SLC35D4: variants seen among roughly 807,000 people sequenced by gnomAD.
SLC35D4 encodes the protein UDP-N-acetylglucosamine transporter SLC35D4.
the SLC35D4 span, among the ~76,000 whole-genome samples, chr18:23,354,244 G>A: frequency 6.7e-6 from 1 of 148,316 alleles, no homozygotes; most frequent in South Asian, 2.1e-4. Context: ...GCTCAAGCCT[G>A]TAATCTCAGC....
the SLC35D4 span, among the ~76,000 whole-genome samples, chr18:23,396,269 T>G: frequency 6.6e-6 from 1 of 152,208 alleles, no homozygotes; most frequent in Non-Finnish European, 1.5e-5. Flanking sequence ...ACCCCGAAAG[T>G]GTTTTGCATA....
the SLC35D4 span, among the ~76,000 whole-genome samples, chr18:23,374,367 A>C: frequency 6.6e-6 from 1 of 152,220 alleles, no homozygotes; most frequent in Admixed American, 6.5e-5. Flanking sequence ...GACAAACCCA[A>C]ATTTAGGACA....
the SLC35D4 span, among the ~76,000 whole-genome samples, chr18:23,381,153 A>G: frequency 1.3e-5 from 2 of 152,210 alleles, no homozygotes; most frequent in Non-Finnish European, 2.9e-5. Flanking sequence ...ACCACCTACA[A>G]TTCTACAAAT....
At chr18:23,335,552 C>T in the SLC35D4 span, among the ~76,000 whole-genome samples, 3 of 152,080 alleles carry the variant, frequency 2.0e-5, no homozygotes, top group Non-Finnish European at 2.9e-5. Flanking sequence ...AAACCGAACC[C>T]CTATAGAATA....
chr18:23,419,910 G>GA, the SLC35D4 span, among the ~76,000 whole-genome samples: 3 of 151,892 alleles, frequency 2.0e-5, no homozygotes, highest in Non-Finnish European at 4.4e-5. Flanking sequence ...AAAGTTCAGG[G>GA]AAAAAAAGTT....
the SLC35D4 span, among the ~76,000 whole-genome samples, chr18:23,396,733 G>C: frequency 6.6e-6 from 1 of 152,134 alleles, no homozygotes; most frequent in African/African-American, 2.4e-5. Context: ...GGGCAACACA[G>C]TGAGACCCCC....
the SLC35D4 span, among the ~76,000 whole-genome samples, chr18:23,387,688 ACT>A: frequency 6.6e-6 from 1 of 152,130 alleles, no homozygotes; most frequent in Admixed American, 6.5e-5. Context: ...TCTAACTCGC[ACT>A]GTTTCATTTC....
At chr18:23,337,242 G>A in the SLC35D4 span, among the ~76,000 whole-genome samples, 1 of 152,144 alleles carries the variant, frequency 6.6e-6, no homozygotes, top group Non-Finnish European at 1.5e-5. Context: ...GGGAGGCCGA[G>A]GCAGGCGGAT....
chr18:23,310,904 G>T, the SLC35D4 span, among the ~76,000 whole-genome samples: 1 of 152,010 alleles, frequency 6.6e-6, no homozygotes, highest in Non-Finnish European at 1.5e-5. Context: ...CAAAAACCTT[G>T]ATTACAAAAA....
At chr18:23,250,726 G>A in the SLC35D4 span, among the ~76,000 whole-genome samples, 5 of 152,306 alleles carry the variant, frequency 3.3e-5, no homozygotes, top group African/African-American at 1.2e-4. Context: ...TCTGGACCAG[G>A]TCAGGAGACC....
At chr18:23,307,464 G>A in the SLC35D4 span, among the ~76,000 whole-genome samples, 1 of 152,196 alleles carries the variant, frequency 6.6e-6, no homozygotes, top group Admixed American at 6.5e-5. Flanking sequence ...ACTCTCCAAT[G>A]GGCAGGACTT....
chr18:23,333,040 A>G, the SLC35D4 span, among the ~76,000 whole-genome samples: 1 of 152,354 alleles, frequency 6.6e-6, no homozygotes, highest in East Asian at 1.9e-4. Context: ...ATTTGCTGAC[A>G]TAACATCTTT....
chr18:23,407,348 A>G, the SLC35D4 span, among the ~76,000 whole-genome samples: 1 of 152,210 alleles, frequency 6.6e-6, no homozygotes, highest in Admixed American at 6.5e-5. Flanking sequence ...AGAAACCATC[A>G]AGGAAGACTG....
the SLC35D4 span, among the ~76,000 whole-genome samples, chr18:23,322,577 G>A: frequency 4.7e-3 from 723 of 152,326 alleles, 6 homozygotes; most frequent in African/African-American, 0.016. Flanking sequence ...CATATTCATA[G>A]CATGTCTGCT....
At chr18:23,253,484 A>G in the SLC35D4 span, among the ~76,000 whole-genome samples, 1 of 152,230 alleles carries the variant, frequency 6.6e-6, no homozygotes, top group Admixed American at 6.5e-5. Flanking sequence ...CTCCATCTCA[A>G]AAGAAAAACA....
At chr18:23,278,619 C>T in the SLC35D4 span, among the ~76,000 whole-genome samples, 6 of 152,102 alleles carry the variant, frequency 3.9e-5, no homozygotes, top group Non-Finnish European at 5.9e-5. Flanking sequence ...CTGTCATTTC[C>T]GACAGGTGCT....
At chr18:23,266,544 C>T in the SLC35D4 span, among the ~76,000 whole-genome samples, 1 of 152,320 alleles carries the variant, frequency 6.6e-6, no homozygotes, top group South Asian at 2.1e-4. Flanking sequence ...GGCAGAGTGT[C>T]GGTGACAACT....
At chr18:23,373,251 G>T in the SLC35D4 span, among the ~76,000 whole-genome samples, 1 of 152,168 alleles carries the variant, frequency 6.6e-6, no homozygotes, top group African/African-American at 2.4e-5. Flanking sequence ...GGAGGTGGAG[G>T]TTGCAGTGAG....
At chr18:23,277,051 T>TGCCCAGCC in the SLC35D4 span, among the ~76,000 whole-genome samples, 65 of 152,364 alleles carry the variant, frequency 4.3e-4, no homozygotes, top group South Asian at 0.013. Context: ...CTCATGAGTC[T>TGCCCAGCC]AGATTTTGCT....
Sources: allele counts gnomAD v4.1 joint callset (sites outside exome capture counted in the v4.1 genomes callset), GRCh38; gene constraint gnomAD v4.1.1; transcripts MANE v1.5; gene names NCBI Gene and HGNC (gene_info 2026-07-23, HGNC 2026-07-21).